Variants in FHIT observed in about 807,000 individuals in gnomAD.
FHIT encodes the protein bis(5'-adenosyl)-triphosphatase.
Under a neutral mutation model 17.9 loss-of-function variants are expected in FHIT, and 19 were observed. The observed-to-expected ratio is 1.06, with a 90% CI of 0.74 to 1.56. The LOEUF (loss-of-function observed/expected upper bound fraction) is 1.56. FHIT is among the 40% of genes most tolerant of loss of function. The pLI, the probability that FHIT is intolerant of heterozygous loss-of-function variation, is 0.00. For synonymous variants in FHIT, 81 were observed against 69.7 expected, an observed-to-expected ratio of 1.16 and a Z score of -0.81; for missense variants, 248 against 189.2, an observed-to-expected ratio of 1.31 and a Z score of -1.82.
chr3:60,156,138 C>T (rs1463089900), intron 5 of FHIT, among the ~76,000 whole-genome samples: 5 of 149,856 alleles, frequency 3.3e-5, no homozygotes, highest in East Asian at 4.1e-4. Flanking sequence ...AGGATCATGA[C>T]GTCAGGAGTT....
chr3:60,483,596 G>A (rs1047348369), intron 5 of FHIT, among the ~76,000 whole-genome samples: 2 of 150,922 alleles, frequency 1.3e-5, no homozygotes, highest in African/African-American at 5.0e-5. Flanking sequence ...TATCTCAATA[G>A]ATGCAGAAAA....
chr3:60,523,261 T>C (rs2035443282), intron 5 of FHIT, among the ~76,000 whole-genome samples: 1 of 152,210 alleles, frequency 6.6e-6, no homozygotes, highest in Non-Finnish European at 1.5e-5. Flanking sequence ...ATCTATTTGA[T>C]GCACTAATCT....
chr3:61,173,738 T>C (rs2038079274), intron 2 of FHIT, among the ~76,000 whole-genome samples: 1 of 152,206 alleles, frequency 6.6e-6, no homozygotes, highest in Non-Finnish European at 1.5e-5. Context: ...GTGACTCTTC[T>C]AGCAGGAGGT....
At chr3:60,626,277 T>A (rs2039283209) in intron 4 of FHIT, among the ~76,000 whole-genome samples, 1 of 152,230 alleles carries the variant, frequency 6.6e-6, no homozygotes, top group Non-Finnish European at 1.5e-5. Context: ...GAGATTTTGA[T>A]AGGAGTTGCA....
intron 4 of FHIT, among the ~76,000 whole-genome samples, chr3:60,741,431 TAAGG>T (rs2042239246): frequency 6.6e-6 from 1 of 152,194 alleles, no homozygotes; most frequent in Non-Finnish European, 1.5e-5. Context: ...AGCATGCAGG[TAAGG>T]ATGCCCTGAA....
chr3:59,823,910 C>T (rs142697476), intron 8 of FHIT, among the ~76,000 whole-genome samples: 4 of 152,138 alleles, frequency 2.6e-5, no homozygotes, highest in African/African-American at 7.2e-5. Context: ...GTCAAACTGT[C>T]GCTGTTTGCT....
intron 4 of FHIT, among the ~76,000 whole-genome samples, chr3:60,725,556 AG>A (rs2041901014): frequency 6.6e-6 from 1 of 152,188 alleles, no homozygotes; most frequent in African/African-American, 2.4e-5. Context: ...ACATAGTTTC[AG>A]GTAATTTTTG....
intron 5 of FHIT, among the ~76,000 whole-genome samples, chr3:60,099,797 C>A (rs1704115219): frequency 6.6e-6 from 1 of 152,170 alleles, no homozygotes; most frequent in South Asian, 2.1e-4. Context: ...TGGGACACAG[C>A]TCCATCATAT....
In FHIT at chr3:59,856,032, C is replaced by T. The variant is rs916286926; in HGVS notation, c.348+66314G>A. Among the ~76,000 whole-genome samples the T allele has an allele frequency of 3.3e-5, 5 of 152,176 alleles. 1 individual carries two copies. The highest frequency in any genetic ancestry group is 6.8e-3 in the Middle Eastern group (2 of 294). On this transcript the variant is annotated intron_variant, in intron 8 of 9. Transcript: ENST00000492590. Reference sequence around the variant, plus strand: ...TCCTGACTTCGTGATCCACCCGCCTCGGCCTCCCAAAGTGCTGGGATTACA... The same window carrying T: ...TCCTGACTTCGTGATCCACCCGCCTTGGCCTCCCAAAGTGCTGGGATTACA...
chr3:60,356,530 T>A (rs1284497513), intron 5 of FHIT, among the ~76,000 whole-genome samples: 2 of 152,072 alleles, frequency 1.3e-5, no homozygotes, highest in African/African-American at 4.8e-5. Context: ...GCCACTCCAT[T>A]CTAAGCTGTG....
intron 8 of FHIT, among the ~76,000 whole-genome samples, chr3:59,770,160 G>A (rs887646622): frequency 2.0e-5 from 3 of 152,188 alleles, no homozygotes; most frequent in African/African-American, 7.2e-5. Flanking sequence ...AATTCACCTA[G>A]GGCTTACCAT....
chr3:59,827,061 G>A (rs1701003201), intron 8 of FHIT, among the ~76,000 whole-genome samples: 1 of 152,176 alleles, frequency 6.6e-6, no homozygotes, highest in Admixed American at 6.5e-5. Context: ...TAACAAGCCA[G>A]TAAACCAATA....
chr3:61,072,737 A>G (rs1348161131), intron 2 of FHIT, among the ~76,000 whole-genome samples: 1 of 152,144 alleles, frequency 6.6e-6, no homozygotes, highest in African/African-American at 2.4e-5. Flanking sequence ...TATTACTTTT[A>G]TCTGAAAGGA....
At chr3:60,418,755 A>G (rs191891390) in intron 5 of FHIT, among the ~76,000 whole-genome samples, 1 of 149,724 alleles carries the variant, frequency 6.7e-6, no homozygotes, top group Non-Finnish European at 1.5e-5. Context: ...TGAGACTGTC[A>G]AAAAAAAATA....
chr3:59,763,284 A>G (rs1198088602), intron 8 of FHIT, among the ~76,000 whole-genome samples: 1 of 152,214 alleles, frequency 6.6e-6, no homozygotes. Flanking sequence ...CTCTCCAAGG[A>G]GAAAGAAAAA....
chr3:60,563,921 G>A (rs1297583782), intron 4 of FHIT, among the ~76,000 whole-genome samples: 3 of 152,188 alleles, frequency 2.0e-5, no homozygotes, highest in African/African-American at 7.2e-5. Flanking sequence ...AATCAATGAA[G>A]TTGACCATAT....
chr3:59,918,206 T>C (rs1042245344), intron 8 of FHIT, among the ~76,000 whole-genome samples: 3 of 151,612 alleles, frequency 2.0e-5, no homozygotes, highest in Admixed American at 6.6e-5. Flanking sequence ...GTTCTTCTAG[T>C]TCAACACCTT....
chr3:60,688,093 CT>C (rs2040900447), intron 4 of FHIT, among the ~76,000 whole-genome samples: 1 of 151,932 alleles, frequency 6.6e-6, no homozygotes, highest in Non-Finnish European at 1.5e-5. Context: ...TTAGATTTTG[CT>C]TTTTAGCTGA....
intron 8 of FHIT, among the ~76,000 whole-genome samples, chr3:59,899,073 CT>C (rs1704205158): frequency 6.6e-6 from 1 of 152,190 alleles, no homozygotes; most frequent in Admixed American, 6.5e-5. Context: ...TCCCTCTTCA[CT>C]CCTCCATGTT....
Sources: gnomAD v4.1 joint callset for allele counts (sites outside exome capture counted in the v4.1 genomes callset) on GRCh38, gnomAD v4.1.1 for gene constraint, MANE v1.5 for transcripts, NCBI Gene and HGNC (gene_info 2026-07-23, HGNC 2026-07-21) for gene names.